Variants in NRG1 observed in about 807,000 individuals in gnomAD.
NRG1 encodes neuregulin 1, also known as pro-neuregulin-1, membrane-bound isoform.
In NRG1, 18 loss-of-function variants were observed where a neutral mutation model predicts 63.8. The observed-to-expected ratio is 0.28, with a 90% CI of 0.19 to 0.42. The LOEUF (loss-of-function observed/expected upper bound fraction) is 0.42, where lower values mean the gene tolerates loss of function less well. NRG1 is among the 10% of genes least tolerant of loss of function. The pLI, the probability that NRG1 is intolerant of heterozygous loss-of-function variation, is 1.00. For missense variants in NRG1, 762 were observed against 814.7 expected (o/e 0.94, Z 0.79); for synonymous variants, 302 against 301.3 (o/e 1.00, Z -0.02).
At chr8:32,535,938 C>T (rs1831921212) in intron 1 of NRG1, among the ~76,000 whole-genome samples, 1 of 152,140 alleles carries the variant, frequency 6.6e-6, no homozygotes, top group African/African-American at 2.4e-5. Flanking sequence ...AGATCATTAC[C>T]ACACATTCCA....
intron 1 of NRG1, among the ~76,000 whole-genome samples, chr8:32,321,984 C>T (rs752983219): frequency 5.9e-5 from 9 of 152,000 alleles, no homozygotes; most frequent in South Asian, 2.1e-4. Context: ...TAGCTCAATT[C>T]GTGAGTAAAT....
At chr8:32,023,941 T>C (rs1816841577) in intron 1 of NRG1, among the ~76,000 whole-genome samples, 2 of 152,192 alleles carry the variant, frequency 1.3e-5, no homozygotes, top group Middle Eastern at 3.2e-3. Flanking sequence ...ACCGCTGGGT[T>C]AGTTTGGATC....
chr8:32,686,057 T>G (rs2128925781), intron 5 of NRG1, among the ~76,000 whole-genome samples: 1 of 152,334 alleles, frequency 6.6e-6, no homozygotes, highest in East Asian at 1.9e-4. Flanking sequence ...CAGTTGTGTT[T>G]TTATCATTAC....
chr8:32,259,046 G>A (rs1319886470), intron 1 of NRG1, among the ~76,000 whole-genome samples: 3 of 152,130 alleles, frequency 2.0e-5, no homozygotes, highest in South Asian at 2.1e-4. Flanking sequence ...ACTTGACTCC[G>A]GGTTATAGAC....
chr8:32,468,004 G>T (rs1322872489), intron 1 of NRG1, among the ~76,000 whole-genome samples: 1 of 152,116 alleles, frequency 6.6e-6, no homozygotes, highest in African/African-American at 2.4e-5. Flanking sequence ...TGTCTTGTTG[G>T]CAGTCACCTA....
chr8:32,188,972 T>TA (rs1265048680), intron 1 of NRG1, among the ~76,000 whole-genome samples: 3 of 151,548 alleles, frequency 2.0e-5, no homozygotes, highest in Admixed American at 6.6e-5. Context: ...ATAATAAAAT[T>TA]AAAAAAAAGT....
At chr8:32,471,438 A>G (rs1227925495) in intron 1 of NRG1, among the ~76,000 whole-genome samples, 1 of 152,154 alleles carries the variant, frequency 6.6e-6, no homozygotes, top group Non-Finnish European at 1.5e-5. Flanking sequence ...GACTTTTCTT[A>G]TAAAAGGGTA....
At chr8:32,289,747 G>C (rs1853969446) in intron 1 of NRG1, among the ~76,000 whole-genome samples, 1 of 152,052 alleles carries the variant, frequency 6.6e-6, no homozygotes, top group African/African-American at 2.4e-5. Flanking sequence ...TATTTGAATA[G>C]CTCATCAATT....
chr8:31,727,993 C>A, intron 1 of NRG1, among the ~76,000 whole-genome samples: 1 of 152,190 alleles, frequency 6.6e-6, no homozygotes, highest in Middle Eastern at 3.4e-3. Flanking sequence ...ATTCACGTCC[C>A]GGGTAGGAGG....
chr8:31,856,147 T>G (rs1396517998), intron 1 of NRG1, among the ~76,000 whole-genome samples: 1 of 152,162 alleles, frequency 6.6e-6, no homozygotes, highest in Admixed American at 6.5e-5. Flanking sequence ...TTCCTGAATC[T>G]GAATGTTGGC....
chr8:32,259,981 T>C (rs139496308), intron 1 of NRG1, among the ~76,000 whole-genome samples: 486 of 152,296 alleles, frequency 3.2e-3, no homozygotes, highest in South Asian at 0.024. Flanking sequence ...AATCTTGAAC[T>C]TGGTAATTAA....
At chr8:32,572,795 G>T (rs1415992814) in intron 1 of NRG1, among the ~76,000 whole-genome samples, 1 of 151,942 alleles carries the variant, frequency 6.6e-6, no homozygotes, top group Non-Finnish European at 1.5e-5. Context: ...CTCACCCAAG[G>T]GTTTCTACAA....
intron 1 of NRG1, among the ~76,000 whole-genome samples, chr8:32,538,220 G>A (rs953301176): frequency 3.9e-5 from 6 of 152,076 alleles, no homozygotes; most frequent in Non-Finnish European, 8.8e-5. Flanking sequence ...GGGAGCTACT[G>A]AGTGACAGGC....
upstream of NRG1, among the ~76,000 whole-genome samples, chr8:32,547,150 A>G (rs1833154691): frequency 6.6e-6 from 1 of 152,188 alleles, no homozygotes; most frequent in South Asian, 2.1e-4. Context: ...TTTTCTCTAC[A>G]TGTAGACAAT....
intron 1 of NRG1, among the ~76,000 whole-genome samples, chr8:31,767,983 A>G (rs1327373753): frequency 6.6e-6 from 1 of 152,182 alleles, no homozygotes; most frequent in Non-Finnish European, 1.5e-5. Flanking sequence ...ATAACAATTG[A>G]CACAAGAACA....
chr8:31,788,653 T>C (rs1820406483), intron 1 of NRG1, among the ~76,000 whole-genome samples: 1 of 152,196 alleles, frequency 6.6e-6, no homozygotes, highest in Non-Finnish European at 1.5e-5. Flanking sequence ...TTTGTTGTTG[T>C]TGAGCAATAA....
intron 1 of NRG1, among the ~76,000 whole-genome samples, chr8:31,771,970 C>T (rs1036166463): frequency 1.3e-5 from 2 of 152,198 alleles, no homozygotes; most frequent in Non-Finnish European, 2.9e-5. Context: ...GTGATACTTA[C>T]TTTGGATAAA....
intron 5 of NRG1, among the ~76,000 whole-genome samples, chr8:32,645,568 A>G (rs983113074): frequency 1.3e-5 from 2 of 152,210 alleles, no homozygotes; most frequent in African/African-American, 4.8e-5. Flanking sequence ...AACATACCTC[A>G]AAGTAGTGGA....
chr8:31,849,456 A>G (rs912156885), intron 1 of NRG1, among the ~76,000 whole-genome samples: 4 of 152,226 alleles, frequency 2.6e-5, no homozygotes, highest in Non-Finnish European at 4.4e-5. Flanking sequence ...AACTTCATCA[A>G]AAGTTTGCCT....
Sources: gnomAD v4.1 joint callset for allele counts (sites outside exome capture counted in the v4.1 genomes callset) on GRCh38, gnomAD v4.1.1 for gene constraint, MANE v1.5 for transcripts, NCBI Gene and HGNC (gene_info 2026-07-23, HGNC 2026-07-21) for gene names.